Variants in SLC22A25 observed in about 807,000 individuals in gnomAD.
The protein encoded by SLC22A25 is MGI:2442751, MGI:2385316, MGI:3042283, MGI:3645714, MGI:3605624, MGI:2442750.
SLC22A25 carries 44 observed loss-of-function variants against 45.9 expected under a neutral mutation model. The observed-to-expected ratio is 0.96, with a 90% confidence interval of 0.75 to 1.23. The LOEUF (loss-of-function observed/expected upper bound fraction) is 1.23, where lower values mean the gene tolerates loss of function less well. SLC22A25 is among the 50% of genes most tolerant of loss of function. The probability of loss-of-function intolerance (pLI) is 0.00; values close to 1 mark genes in which losing one functional copy is unlikely to be tolerated. For synonymous variants in SLC22A25, 283 were observed against 238.6 expected, an observed-to-expected ratio of 1.19 and a Z score of -1.72; for missense variants, 800 against 666.4, an observed-to-expected ratio of 1.20 and a Z score of -2.21.
intron 7 of SLC22A25, among the ~76,000 whole-genome samples, chr11:63,197,460 C>T (rs1313761082): frequency 6.6e-6 from 1 of 152,184 alleles, no homozygotes; most frequent in Non-Finnish European, 1.5e-5. Flanking sequence ...CACACATCTA[C>T]AACCATCTGA....
intron 3 of SLC22A25, among the ~76,000 whole-genome samples, chr11:63,233,657 T>A (rs2090112375): frequency 6.6e-6 from 1 of 152,170 alleles, no homozygotes; most frequent in African/African-American, 2.4e-5. Flanking sequence ...CTGATCTTAG[T>A]TATTTCTTGC....
intron 9 of SLC22A25, among the ~76,000 whole-genome samples, chr11:63,169,746 A>G (rs2087812872): frequency 6.6e-6 from 1 of 152,158 alleles, no homozygotes; most frequent in Admixed American, 6.6e-5. Context: ...TGTCAATATT[A>G]GATCAACTAG....
rs749690066 is a variant in SLC22A25, at chr11:63,175,269, A to T, written c.1070+5391T>A. On this transcript the variant is annotated intron_variant, in intron 9 of 11. Coordinates refer to ENST00000306494, the MANE Select transcript of SLC22A25 (RefSeq NM_199352.6). Reference sequence around the variant, plus strand: ...TTCCACATTCTTGCCAACAGTTATTATCTCTTATTTATTTATTCAATTTAT... The same window carrying T: ...TTCCACATTCTTGCCAACAGTTATTTTCTCTTATTTATTTATTCAATTTAT... Among the ~76,000 whole-genome samples the T allele has an allele frequency of 4.4e-4, 67 of 152,220 alleles. 1 individual carries two copies. The highest frequency in any genetic ancestry group is 1.5e-4 in the Non-Finnish European group (10 of 67,980).
At chr11:63,203,027 G>A (rs2089294900) in intron 7 of SLC22A25, among the ~76,000 whole-genome samples, 1 of 152,152 alleles carries the variant, frequency 6.6e-6, no homozygotes, top group South Asian at 2.1e-4. Flanking sequence ...GGTCTGGAGT[G>A]GACCTCCAGC....
At chr11:63,227,271 T>C (rs1273191314) in intron 5 of SLC22A25, among the ~76,000 whole-genome samples, 3 of 152,062 alleles carry the variant, frequency 2.0e-5, no homozygotes, top group African/African-American at 4.8e-5. Context: ...AGTCAGCATA[T>C]CTCGGAGTCT....
chr11:63,236,048 C>A (rs185677420), intron 3 of SLC22A25, among the ~76,000 whole-genome samples: 3 of 152,242 alleles, frequency 2.0e-5, no homozygotes, highest in South Asian at 4.1e-4. Context: ...TGTCAGTCCA[C>A]CCCTAATGGG....
intron 9 of SLC22A25, among the ~76,000 whole-genome samples, chr11:63,171,943 G>C (rs2087902282): frequency 6.6e-6 from 1 of 152,214 alleles, no homozygotes; most frequent in East Asian, 1.9e-4. Flanking sequence ...CATGGTACTG[G>C]CACCAAATCA....
intron 7 of SLC22A25, among the ~76,000 whole-genome samples, chr11:63,206,340 C>A (rs1218277580): frequency 6.6e-6 from 1 of 152,168 alleles, no homozygotes; most frequent in Non-Finnish European, 1.5e-5. Context: ...GAGAGGAAGT[C>A]AAAATCTCTC....
At position 63,164,174 on chromosome 11, in the gene SLC22A25, T is replaced by A. The variant is rs1366636269; in HGVS notation, c.1395-101A>T. On this transcript the variant is annotated intron_variant, in intron 11 of 11. Transcript: ENST00000306494. ...GATTATGGATGAGCACTTAAACACA[T>A]GGAGGTGATAACATACTCTTGCTTT... The A allele has an allele frequency of 3.5e-6, 5 of 1,421,724 alleles. No homozygotes were observed. The South Asian group carries it at 7.2e-5, about 20-fold the overall frequency. The allele number at this position is 1,421,724 out of a possible 1,614,324, so 88.1% of individuals were successfully genotyped here. A position where few individuals can be genotyped will look rare whatever the true frequency, so the allele number is the denominator to read the frequency against.
rs2087555845 is a variant in SLC22A25, at chr11:63,162,709, A to G, written c.*1115T>C. Among the ~76,000 whole-genome samples, 1 of 152,192 alleles carries G rather than the reference A, an allele frequency of 6.6e-6. No individual in the cohort carries two copies. The highest frequency in any genetic ancestry group is 1.5e-5 in the Non-Finnish European group (1 of 68,024). On this transcript the variant is annotated 3_prime_UTR_variant, in exon 12 of 12. Transcript: ENST00000306494. The stretch of plus-strand genomic sequence containing the variant: ...CTATTATGATTCCTTTTAAAGTGTT[A>G]TGATTTTCTTCAAACTTCTTATGAT...
At chr11:63,182,935 T>C (rs562235380) in intron 8 of SLC22A25, among the ~76,000 whole-genome samples, 2 of 152,278 alleles carry the variant, frequency 1.3e-5, no homozygotes, top group South Asian at 4.1e-4. Flanking sequence ...CACTTAGATT[T>C]AAACATGTCC....
chr11:63,163,953 G>A lies in SLC22A25; in HGVS notation c.1515C>T (p.Ala505=). 1.2e-6 allele frequency: 2 copies of A among 1,613,926 alleles called. No individual in the cohort carries two copies. Among genetic ancestry groups the A allele is most frequent in the South Asian group, 2.2e-5 (2 of 91,070 alleles). The change falls in exon 12 of 12, where the codon GCC becomes GCT. Residue 505 remains alanine (A), a synonymous_variant. Coordinates refer to ENST00000306494, the MANE Select transcript of SLC22A25 (RefSeq NM_199352.6). ...PLPWIIYGVF[A]ILSGLVVLLL... ...GGAGGACAACAAGGCCAGAGAGGAT[G>A]GCAAAGACTCCATAGATGATCCAGG...
intron 7 of SLC22A25, 84 bp from the exon 8 acceptor site, chr11:63,183,901 C>A: frequency 6.3e-7 from 1 of 1,577,432 alleles, no homozygotes; most frequent in Non-Finnish European, 8.6e-7. Flanking sequence ...TGCCTTTCCC[C>A]TCTAAGCTAA....
chr11:63,162,957 C>T lies in SLC22A25; in HGVS notation c.*867G>A, dbSNP rs1339947527. On this transcript the variant is annotated 3_prime_UTR_variant, in exon 12 of 12. Transcript: ENST00000306494. ...ATCTTCCTGCCCTGCTTTTCTGGAG[C>T]ATCTTCTCCTGGTGCAAATATAATG... 6.6e-6 allele frequency among the ~76,000 whole-genome samples: 1 copy of T among 152,056 alleles called. No homozygotes were observed. Among genetic ancestry groups the T allele is most frequent in the Non-Finnish European group, 1.5e-5 (1 of 68,004 alleles).
intron 1 of SLC22A25, among the ~76,000 whole-genome samples, chr11:63,240,206 A>T (rs1341427933): frequency 2.6e-5 from 4 of 152,140 alleles, no homozygotes; most frequent in Non-Finnish European, 5.9e-5. Context: ...GATAAAAGAT[A>T]AAAAAATTAC....
At position 63,159,474 on chromosome 11, in the gene SLC22A25, T is replaced by A. The variant is rs1212767175; in HGVS notation, c.*4350A>T. Reference sequence around the variant, plus strand: ...GGGAGTTTCCCTGCAGAAATTCTCTTTTCCCTGCTGCCATGTAAGTTGTGC... The same window carrying A: ...GGGAGTTTCCCTGCAGAAATTCTCTATTCCCTGCTGCCATGTAAGTTGTGC... On this transcript the variant is annotated 3_prime_UTR_variant, in exon 12 of 12. Transcript: ENST00000306494. 6.6e-6 allele frequency among the ~76,000 whole-genome samples: 1 copy of A among 152,176 alleles called. No homozygotes were observed. Among genetic ancestry groups the A allele is most frequent in the African/African-American group, 2.4e-5 (1 of 41,448 alleles).
chr11:63,229,193 TTG>T, intron 4 of SLC22A25, 56 bp downstream of exon 4: 2 of 1,451,878 alleles, frequency 1.4e-6, no homozygotes, highest in Non-Finnish European at 1.8e-6. Flanking sequence ...CAATCATTTC[TTG>T]TGTTATTCTA....
At chr11:63,242,734 C>T (rs1273782479) in intron 1 of SLC22A25, among the ~76,000 whole-genome samples, 3 of 152,156 alleles carry the variant, frequency 2.0e-5, no homozygotes, top group Admixed American at 6.5e-5. Context: ...CAATATTAAC[C>T]CTCATAGACT....
intron 7 of SLC22A25, among the ~76,000 whole-genome samples, chr11:63,216,172 A>G (rs1356117063): frequency 6.6e-6 from 1 of 152,228 alleles, no homozygotes; most frequent in Non-Finnish European, 1.5e-5. Context: ...CCACAATGAG[A>G]TGCCATCTCA....
Sources: gnomAD v4.1 joint callset for allele counts (sites outside exome capture counted in the v4.1 genomes callset) on GRCh38, gnomAD v4.1.1 for gene constraint, MANE v1.5 for transcripts, NCBI Gene and HGNC (gene_info 2026-07-23, HGNC 2026-07-21) for gene names.